Variants in EXTL3 observed in about 807,000 individuals in gnomAD.
EXTL3 encodes exostosin like glycosyltransferase 3.
Under a neutral mutation model 69.3 loss-of-function variants are expected in EXTL3, and 27 were observed. The observed-to-expected ratio is 0.39, with a 90% CI of 0.29 to 0.54. EXTL3 has a LOEUF of 0.54. Among genes scored for constraint, EXTL3 ranks in the 20% least tolerant of loss-of-function variants. The pLI is 0.69. For synonymous variants in EXTL3, 511 were observed against 499.4 expected, an observed-to-expected ratio of 1.02 and a Z score of -0.31; for missense variants, 1,003 against 1,231.8, an observed-to-expected ratio of 0.81 and a Z score of 2.78.
chr8:28,725,803 G>A (rs1352503500), intron 3 of EXTL3, among the ~76,000 whole-genome samples: 1 of 152,054 alleles, frequency 6.6e-6, no homozygotes, highest in African/African-American at 2.4e-5. Context: ...AAGAGTGTTG[G>A]TTTGATTTGA....
At chr8:28,669,761 A>G (rs1807255513) in intron 1 of EXTL3, among the ~76,000 whole-genome samples, 1 of 152,182 alleles carries the variant, frequency 6.6e-6, no homozygotes, top group Non-Finnish European at 1.5e-5. Flanking sequence ...CCAGAATATT[A>G]CAATGGGTGT....
intron 1 of EXTL3, among the ~76,000 whole-genome samples, chr8:28,689,975 C>T (rs1052925017): frequency 4.6e-5 from 7 of 152,118 alleles, no homozygotes; most frequent in Admixed American, 2.0e-4. Flanking sequence ...CTTTGCTGAT[C>T]CGATCTCTCT....
At chr8:28,693,470 C>T (rs886727217) in intron 1 of EXTL3, among the ~76,000 whole-genome samples, 2 of 152,124 alleles carry the variant, frequency 1.3e-5, no homozygotes, top group African/African-American at 2.4e-5. Flanking sequence ...AGATTTGAAT[C>T]AGGCTAAGCT....
At chr8:28,738,157 A>G (rs913190025) in intron 5 of EXTL3, among the ~76,000 whole-genome samples, 1 of 152,116 alleles carries the variant, frequency 6.6e-6, no homozygotes, top group Non-Finnish European at 1.5e-5. Flanking sequence ...TTTTCACTGA[A>G]TATCTGAAGC....
chr8:28,687,681 A>C (rs1011544589), intron 1 of EXTL3, among the ~76,000 whole-genome samples: 113 of 152,320 alleles, frequency 7.4e-4, no homozygotes, highest in African/African-American at 2.6e-3. Flanking sequence ...GTGTTCACCT[A>C]GTGATAAAAA....
At chr8:28,656,883 GTCTTTCTT>G (rs150342301) in intron 1 of EXTL3, among the ~76,000 whole-genome samples, 15 of 151,370 alleles carry the variant, frequency 9.9e-5, no homozygotes, top group South Asian at 2.1e-4. Context: ...ATTATGGTTG[GTCTTTCTT>G]TCTTTCTTTC....
intron 1 of EXTL3, among the ~76,000 whole-genome samples, chr8:28,668,246 T>C (rs888678519): frequency 8.1e-6 from 1 of 123,418 alleles, no homozygotes; most frequent in African/African-American, 3.3e-5. Flanking sequence ...CAACAAAATA[T>C]GAGGTCCTGT....
At chr8:28,746,936 A>G (rs1258006335) in intron 6 of EXTL3, among the ~76,000 whole-genome samples, 1 of 152,190 alleles carries the variant, frequency 6.6e-6, no homozygotes, top group Non-Finnish European at 1.5e-5. Context: ...GGCCTCCCAA[A>G]GTGCTGGGAT....
chr8:28,738,774 A>G (rs1801709691), intron 5 of EXTL3, among the ~76,000 whole-genome samples: 1 of 151,964 alleles, frequency 6.6e-6, no homozygotes, highest in South Asian at 2.1e-4. Flanking sequence ...ATTGCTTACC[A>G]ATGACACTTC....
chr8:28,642,831 A>G (rs1057359445), intron 1 of EXTL3, among the ~76,000 whole-genome samples: 2 of 151,934 alleles, frequency 1.3e-5, no homozygotes, highest in African/African-American at 4.9e-5. Flanking sequence ...TGGGATATAT[A>G]GTTATAGACA....
At chr8:28,683,954 ATTG>A (rs1310776549) in intron 1 of EXTL3, among the ~76,000 whole-genome samples, 1 of 151,454 alleles carries the variant, frequency 6.6e-6, no homozygotes. Flanking sequence ...TCAGGTAACC[ATTG>A]TTGTTCTACT....
chr8:28,668,356 G>A (rs1391885822), intron 1 of EXTL3, among the ~76,000 whole-genome samples: 1 of 103,124 alleles, frequency 9.7e-6, no homozygotes, highest in African/African-American at 4.1e-5. Flanking sequence ...TTTTGAGACA[G>A]AGTCTCACTC....
In EXTL3 at chr8:28,717,286, G is replaced by A. The variant is rs240951; in HGVS notation, c.1227G>A (p.Pro409=). The A allele has an allele frequency of 0.26, 419,329 of 1,614,026 alleles. 55,433 individuals are homozygous for A. Among genetic ancestry groups the A allele is most frequent in the Middle Eastern group, 0.33 (1,996 of 6,062 alleles). The change falls in exon 3 of 7, where the codon CCG becomes CCA. Residue 409 remains proline (P), a synonymous_variant. Transcript: ENST00000220562. This position sits in a 1 kb window ranked among gnomAD's most constrained non-coding sequence, Gnocchi z 8.3. The part of the protein sequence containing the change: ...TCKNQPKPSL[P]TEWALCGERE... ...AAAACCAGCCCAAACCCAGCCTGCC[G>A]ACTGAGTGGGCACTGTGTGGAGAGC...
chr8:28,733,251 C>T (rs1801576928), intron 4 of EXTL3, among the ~76,000 whole-genome samples: 1 of 152,124 alleles, frequency 6.6e-6, no homozygotes, highest in Non-Finnish European at 1.5e-5. Flanking sequence ...CCCCATATTG[C>T]ATTCTCACCA....
chr8:28,639,795 T>C (rs1317581028), intron 1 of EXTL3, among the ~76,000 whole-genome samples: 1 of 152,218 alleles, frequency 6.6e-6, no homozygotes, highest in African/African-American at 2.4e-5. Context: ...CTTATCACCC[T>C]TTCTTGTAAT....
rs1801126083 is a variant in EXTL3, at chr8:28,715,573, T to C, written c.-475-12T>C. On this transcript the variant is annotated splice_polypyrimidine_tract_variant and intron_variant, in intron 2 of 6. Transcript: ENST00000220562. ...CTTCTTCAAGACTGACATGGTTCTC[T>C]TTCTTTTGCAGGCCTGATTGTTGGC... The C allele has an allele frequency of 1.3e-5, 2 of 156,772 alleles. No individual in the cohort carries two copies. Among genetic ancestry groups the C allele is most frequent in the Admixed American group, 6.1e-5 (1 of 16,484 alleles). The allele number at this position is 156,772 out of a possible 1,614,324, so 9.7% of individuals were successfully genotyped here. A position where few individuals can be genotyped will look rare whatever the true frequency, so the allele number is the denominator to read the frequency against.
intron 6 of EXTL3, among the ~76,000 whole-genome samples, chr8:28,746,258 AATGTCATATT>A (rs1446599943): frequency 1.3e-5 from 2 of 152,230 alleles, no homozygotes; most frequent in African/African-American, 4.8e-5. Context: ...ATGGGGAGTT[AATGTCATATT>A]ATTTCTTTGA....
In EXTL3 at chr8:28,750,621, T is replaced by C. The variant is rs769185207; in HGVS notation, c.2551-36T>C. 1 of 1,551,560 alleles carries C rather than the reference T, an allele frequency of 6.4e-7. No homozygotes were observed. The highest frequency in any genetic ancestry group is 2.2e-5 in the East Asian group (1 of 44,532). ...CTGCAAGGGTTCTGTCAGTATTAGCTGGGATTCCCACTCTGTCTCTCTCTC... is the reference window on the plus strand; with the variant it reads ...CTGCAAGGGTTCTGTCAGTATTAGCCGGGATTCCCACTCTGTCTCTCTCTC... On this transcript the variant is annotated intron_variant, in intron 6 of 6. Coordinates refer to ENST00000220562, the MANE Select transcript of EXTL3 (RefSeq NM_001440.4). The surrounding 1 kb of genome is among the most constrained non-coding windows in gnomAD (Gnocchi z 5.2).
chr8:28,633,875 T>C (rs916319989), intron 1 of EXTL3, among the ~76,000 whole-genome samples: 1 of 152,172 alleles, frequency 6.6e-6, no homozygotes, highest in Non-Finnish European at 1.5e-5. Flanking sequence ...CGCTGATCCC[T>C]GATTTAGAAC....
Sources: gnomAD v4.1 joint callset for allele counts (sites outside exome capture counted in the v4.1 genomes callset) on GRCh38, gnomAD v4.1.1 for gene constraint, Gnocchi (gnomAD v3.1) non-coding constraint, MANE v1.5 for transcripts, NCBI Gene and HGNC (gene_info 2026-07-23, HGNC 2026-07-21) for gene names.